Variants in MED27 observed in about 807,000 individuals in gnomAD.
The protein encoded by MED27 is mediator of RNA polymerase II transcription subunit 27.
Under a neutral mutation model 38.2 loss-of-function variants are expected in MED27, and 30 were observed. The observed-to-expected ratio is 0.79, with a 90% confidence interval of 0.59 to 1.07. The LOEUF is 1.07. Among genes scored for constraint, MED27 ranks in the 50% least tolerant of loss-of-function variants. MED27 has a pLI of 0.00. For synonymous variants in MED27, 122 were observed against 153.5 expected, an observed-to-expected ratio of 0.79 and a Z score of 1.52; for missense variants, 289 against 397.5, an observed-to-expected ratio of 0.73 and a Z score of 2.32.
chr9:132,066,570 G>A (rs1833814280), intron 2 of MED27, among the ~76,000 whole-genome samples: 2 of 152,382 alleles, frequency 1.3e-5, no homozygotes, highest in South Asian at 4.1e-4. Flanking sequence ...AGGAAAAGCA[G>A]AAGCTGAGCC....
At chr9:131,934,604 G>GTACATTTCCAC in intron 4 of MED27, among the ~76,000 whole-genome samples, 1 of 152,222 alleles carries the variant, frequency 6.6e-6, no homozygotes, top group South Asian at 2.1e-4. Flanking sequence ...CTTGTACACT[G>GTACATTTCCAC]TTGGTGGAAA....
intron 1 of MED27, among the ~76,000 whole-genome samples, chr9:132,078,783 T>C (rs1834111499): frequency 1.3e-5 from 2 of 152,134 alleles, no homozygotes; most frequent in Admixed American, 6.5e-5. Context: ...ATCCTGAAAT[T>C]CTAACCTTCC....
At chr9:131,896,937 G>A (rs955243413) in intron 4 of MED27, among the ~76,000 whole-genome samples, 16 of 152,084 alleles carry the variant, frequency 1.1e-4, no homozygotes, top group Non-Finnish European at 2.4e-4. Context: ...TCACCATGTT[G>A]ACCAGGCTGG....
chr9:131,880,158 C>A (rs189794995), intron 6 of MED27, among the ~76,000 whole-genome samples: 1 of 152,300 alleles, frequency 6.6e-6, no homozygotes, highest in Non-Finnish European at 1.5e-5. Flanking sequence ...GTGCTTTCTA[C>A]CGCCATCTCC....
intron 2 of MED27, among the ~76,000 whole-genome samples, chr9:132,060,762 A>T (rs915734327): frequency 2.0e-5 from 3 of 152,330 alleles, no homozygotes; most frequent in Non-Finnish European, 4.4e-5. Context: ...CAGCCTGGCC[A>T]ATATGGTGAG....
chr9:131,957,023 C>A (rs1456404568), intron 3 of MED27, among the ~76,000 whole-genome samples: 2 of 152,188 alleles, frequency 1.3e-5, no homozygotes, highest in African/African-American at 2.4e-5. Context: ...ATAACAAGAA[C>A]TGGCAATATG....
At chr9:131,909,257 G>A (rs577827444) in intron 4 of MED27, among the ~76,000 whole-genome samples, 2 of 152,226 alleles carry the variant, frequency 1.3e-5, no homozygotes, top group Non-Finnish European at 2.9e-5. Context: ...AAATATGTAA[G>A]TGAAGAGATG....
intron 2 of MED27, among the ~76,000 whole-genome samples, chr9:132,055,449 ACAGTAATTAACCTTGGGAC>A (rs1012747115): frequency 6.6e-6 from 1 of 152,212 alleles, no homozygotes; most frequent in Non-Finnish European, 1.5e-5. Context: ...TAAACAAAAT[ACAGTAATTAACCTTGGGAC>A]CATCGAAAAC....
intron 6 of MED27, among the ~76,000 whole-genome samples, chr9:131,880,899 C>T (rs1004446452): frequency 6.6e-5 from 10 of 151,164 alleles, no homozygotes; most frequent in African/African-American, 2.2e-4. Context: ...CTTAATACTA[C>T]AAGAACATTA....
intron 4 of MED27, among the ~76,000 whole-genome samples, chr9:131,916,750 G>A (rs1056371333): frequency 3.9e-5 from 6 of 152,138 alleles, no homozygotes; most frequent in South Asian, 2.1e-4. Flanking sequence ...AGCACCTCCC[G>A]GTTACCATCT....
At chr9:131,884,034 T>C in intron 6 of MED27, 24 bp downstream of exon 6, 2 of 1,606,098 alleles carry the variant, frequency 1.2e-6, no homozygotes, top group Non-Finnish European at 1.7e-6. Flanking sequence ...GCCGCTTGAG[T>C]AAGAAGCAAA....
At chr9:132,077,366 C>T (rs1834074992) in intron 2 of MED27, 76 bp downstream of exon 2, 6 of 1,387,998 alleles carry the variant, frequency 4.3e-6, no homozygotes, top group Admixed American at 3.9e-5. Context: ...AAAACATACT[C>T]TTGCTTTCTG....
chr9:131,966,385 A>C (rs1383849344), intron 3 of MED27, among the ~76,000 whole-genome samples: 1 of 142,178 alleles, frequency 7.0e-6, no homozygotes, highest in East Asian at 2.0e-4. Context: ...CCCTGTCACA[A>C]AAAAAAAAAA....
chr9:131,992,486 C>T (rs556099168), intron 3 of MED27, among the ~76,000 whole-genome samples: 18 of 152,278 alleles, frequency 1.2e-4, no homozygotes, highest in African/African-American at 4.3e-4. Context: ...CAACCTCGAC[C>T]TCCTGGGCTC....
intron 3 of MED27, among the ~76,000 whole-genome samples, chr9:131,940,658 C>T (rs1830770696): frequency 6.6e-6 from 1 of 152,150 alleles, no homozygotes; most frequent in African/African-American, 2.4e-5. Flanking sequence ...TCAAGTGATC[C>T]ACCTGCCTCA....
At chr9:131,976,527 C>T (rs142822687) in intron 3 of MED27, among the ~76,000 whole-genome samples, 1 of 152,268 alleles carries the variant, frequency 6.6e-6, no homozygotes, top group East Asian at 1.9e-4. Flanking sequence ...GGTCCTGTAA[C>T]CAAATGTGAA....
chr9:131,970,691 G>T (rs568598786), intron 3 of MED27, among the ~76,000 whole-genome samples: 1 of 152,274 alleles, frequency 6.6e-6, no homozygotes, highest in East Asian at 1.9e-4. Flanking sequence ...AATGAGAACT[G>T]GCAAAACTCA....
At chr9:131,896,880 C>T (rs946203565) in intron 4 of MED27, among the ~76,000 whole-genome samples, 3 of 152,078 alleles carry the variant, frequency 2.0e-5, no homozygotes, top group Admixed American at 6.6e-5. Context: ...TACAGGCGTG[C>T]GCCACCACGC....
chr9:131,860,812 G>T lies in MED27; in HGVS notation c.802-140C>A. On this transcript the variant is annotated intron_variant, in intron 7 of 7. Transcript: ENST00000292035. The surrounding 1 kb of genome is among the most constrained non-coding windows in gnomAD (Gnocchi z 5.8). ...ATGCCCTGTGATTTCACAGGGAGCA[G>T]CAGGCGGAACCCACAAGGTCACCTG... The T allele has an allele frequency of 1.1e-6, 1 of 950,760 alleles. No homozygotes were observed. Among genetic ancestry groups the T allele is most frequent in the Non-Finnish European group, 1.6e-6 (1 of 636,732 alleles). 58.9% of individuals were successfully genotyped at this position (950,760 alleles called of 1,614,324 possible). A position where few individuals can be genotyped will look rare whatever the true frequency, so the allele number is the denominator to read the frequency against.
Sources: allele counts gnomAD v4.1 joint callset (sites outside exome capture counted in the v4.1 genomes callset), GRCh38; gene constraint gnomAD v4.1.1; non-coding constraint Gnocchi (gnomAD v3.1); transcripts MANE v1.5; gene names NCBI Gene and HGNC (gene_info 2026-07-23, HGNC 2026-07-21).